The following LRRC4C variants were observed in gnomAD, a reference collection of about 807,000 sequenced individuals.
LRRC4C encodes leucine-rich repeat-containing protein 4C.
In LRRC4C, 5 loss-of-function variants were observed where a neutral mutation model predicts 33.6. The ratio of observed to expected loss-of-function variants is 0.15; its 90% CI spans 0.08 to 0.31. The LOEUF is 0.31. Ranked by LOEUF, LRRC4C falls within the 10% of genes least tolerant of loss-of-function variation. LRRC4C has a pLI of 1.00. For synonymous variants in LRRC4C, 329 were observed against 302.0 expected, an observed-to-expected ratio of 1.09 and a Z score of -0.93; for missense variants, 560 against 796.7, an observed-to-expected ratio of 0.70 and a Z score of 3.58.
rs568613028 is a variant in LRRC4C at position 40,663,627 on chromosome 11, A to G, written c.-406-15349T>C. Among the ~76,000 whole-genome samples the G allele has an allele frequency of 1.1e-4, 17 of 152,328 alleles. No homozygotes were observed. The South Asian group carries it at 3.5e-3, about 32-fold the overall frequency. ...TAAAAATAATTTAGCCAGTGGGGTG[A>G]GCCAAACAGAAAGATGCATATCTAA... On this transcript the variant is annotated intron_variant, in intron 2 of 6. Coordinates refer to ENST00000528697, the MANE Select transcript of LRRC4C (RefSeq NM_001258419.2).
chr11:41,183,169 C>T (rs971698812), intron 1 of LRRC4C, among the ~76,000 whole-genome samples: 6 of 152,000 alleles, frequency 3.9e-5, no homozygotes, highest in Non-Finnish European at 7.3e-5. Context: ...CCATATCATT[C>T]TGCCCCTGGC....
intron 1 of LRRC4C, among the ~76,000 whole-genome samples, chr11:41,101,576 G>C (rs541205458): frequency 6.6e-6 from 1 of 152,280 alleles, no homozygotes; most frequent in South Asian, 2.1e-4. Flanking sequence ...AACCATTGTG[G>C]TAAGCAATGT....
chr11:40,753,437 T>C (rs556105103), intron 2 of LRRC4C, among the ~76,000 whole-genome samples: 2 of 150,642 alleles, frequency 1.3e-5, no homozygotes, highest in East Asian at 2.0e-4. Context: ...AAAAAATACA[T>C]AAAAAACCAA....
intron 1 of LRRC4C, among the ~76,000 whole-genome samples, chr11:41,415,616 A>T (rs544302584): frequency 8.4e-4 from 128 of 152,228 alleles, no homozygotes; most frequent in Non-Finnish European, 1.6e-3. Context: ...ATGGATGGGT[A>T]AAAGCCTCGA....
intron 1 of LRRC4C, among the ~76,000 whole-genome samples, chr11:41,177,845 C>T (rs1945272830): frequency 2.6e-5 from 4 of 152,122 alleles, no homozygotes; most frequent in African/African-American, 9.7e-5. Context: ...AGGGAAAATG[C>T]AGTAACTGTT....
chr11:40,839,106 A>T (rs1359807320), intron 2 of LRRC4C, among the ~76,000 whole-genome samples: 2 of 152,164 alleles, frequency 1.3e-5, no homozygotes, highest in East Asian at 3.8e-4. Context: ...TTGTATATAC[A>T]AGTGCAATAC....
chr11:40,122,641 T>C (rs1357938289), intron 6 of LRRC4C, among the ~76,000 whole-genome samples: 1 of 152,092 alleles, frequency 6.6e-6, no homozygotes. Context: ...ATCAATAAAG[T>C]CAGCTCTGCT....
At chr11:41,097,151 C>T (rs1286872290) in intron 1 of LRRC4C, among the ~76,000 whole-genome samples, 4 of 152,104 alleles carry the variant, frequency 2.6e-5, no homozygotes, top group South Asian at 4.1e-4. Context: ...CTGGAGGAGT[C>T]GTGATGCTCA....
At chr11:41,342,049 A>C (rs1160022948) in intron 1 of LRRC4C, among the ~76,000 whole-genome samples, 1 of 151,482 alleles carries the variant, frequency 6.6e-6, no homozygotes, top group Non-Finnish European at 1.5e-5. Context: ...TCACATTCCA[A>C]AAACATTTTT....
intron 1 of LRRC4C, among the ~76,000 whole-genome samples, chr11:41,398,136 G>A (rs1953889805): frequency 6.6e-6 from 1 of 151,880 alleles, no homozygotes; most frequent in Admixed American, 6.6e-5. Flanking sequence ...CTGGATGATG[G>A]CACAAAATAC....
chr11:40,958,093 A>G (rs533506427), intron 1 of LRRC4C, among the ~76,000 whole-genome samples: 17 of 151,784 alleles, frequency 1.1e-4, no homozygotes, highest in African/African-American at 4.1e-4. Context: ...ACAGCCAGCT[A>G]TGAACCAAGA....
chr11:41,138,087 C>T (rs1008234144), intron 1 of LRRC4C, among the ~76,000 whole-genome samples: 1 of 152,194 alleles, frequency 6.6e-6, no homozygotes, highest in African/African-American at 2.4e-5. Flanking sequence ...TTCATGTATT[C>T]ATTCACTTAC....
chr11:40,143,850 T>C (rs1554955874), intron 5 of LRRC4C, among the ~76,000 whole-genome samples: 1 of 152,212 alleles, frequency 6.6e-6, no homozygotes, highest in Non-Finnish European at 1.5e-5. Flanking sequence ...TTATATGATT[T>C]GTTTATTGAT....
At chr11:40,688,738 G>A (rs143748327) in intron 2 of LRRC4C, among the ~76,000 whole-genome samples, 41 of 152,208 alleles carry the variant, frequency 2.7e-4, no homozygotes, top group South Asian at 4.1e-4. Context: ...AATTCTCACA[G>A]GACAGATATT....
At chr11:41,449,054 C>T (rs1245107443) in intron 1 of LRRC4C, among the ~76,000 whole-genome samples, 1 of 152,184 alleles carries the variant, frequency 6.6e-6, no homozygotes, top group African/African-American at 2.4e-5. Flanking sequence ...CAAAGGTAGT[C>T]TCTATTCTTC....
At chr11:41,392,322 GT>G (rs1055189293) in intron 1 of LRRC4C, among the ~76,000 whole-genome samples, 15 of 151,918 alleles carry the variant, frequency 9.9e-5, no homozygotes, top group African/African-American at 2.9e-4. Flanking sequence ...TAGATTAACT[GT>G]TTTTGTACAA....
At chr11:41,049,996 T>C (rs1470619339) in intron 1 of LRRC4C, among the ~76,000 whole-genome samples, 1 of 152,196 alleles carries the variant, frequency 6.6e-6, no homozygotes, top group Non-Finnish European at 1.5e-5. Context: ...ATATGGAATA[T>C]GGAGGAAAAT....
intron 2 of LRRC4C, among the ~76,000 whole-genome samples, chr11:40,792,670 A>G (rs1950673276): frequency 6.6e-6 from 1 of 152,162 alleles, no homozygotes; most frequent in Non-Finnish European, 1.5e-5. Context: ...TCATGCTGCT[A>G]TAAAGACACA....
At chr11:41,141,921 TA>T (rs1443578161) in intron 1 of LRRC4C, among the ~76,000 whole-genome samples, 1 of 151,974 alleles carries the variant, frequency 6.6e-6, no homozygotes, top group Non-Finnish European at 1.5e-5. Context: ...ATGCTGGTTA[TA>T]AAAAATTAGT....
Sources: gnomAD v4.1 joint callset for allele counts (sites outside exome capture counted in the v4.1 genomes callset) on GRCh38, gnomAD v4.1.1 for gene constraint, MANE v1.5 for transcripts, NCBI Gene and HGNC (gene_info 2026-07-23, HGNC 2026-07-21) for gene names.